Variants in ATP8B4 observed in about 807,000 individuals in gnomAD.
ATP8B4 encodes the protein ATPase phospholipid transporting 8B4 (putative).
A neutral mutation model predicts 145.6 loss-of-function variants in ATP8B4; 133 were observed. The observed-to-expected ratio is 0.91, with a 90% CI of 0.79 to 1.05. The LOEUF is 1.05. Ranked by LOEUF, ATP8B4 falls within the 50% of genes least tolerant of loss-of-function variation. ATP8B4 has a pLI of 0.00. For missense variants in ATP8B4, 1,458 were observed against 1,425.2 expected (o/e 1.02, Z -0.37); for synonymous variants, 507 against 492.9 (o/e 1.03, Z -0.38).
intron 16 of ATP8B4, among the ~76,000 whole-genome samples, chr15:49,928,107 G>A (rs2040893604): frequency 6.6e-6 from 1 of 152,136 alleles, no homozygotes; most frequent in Non-Finnish European, 1.5e-5. Context: ...CAAGCTCTGT[G>A]CTTTGCCTTG....
intron 23 of ATP8B4, chr15:49,895,216 C>T (rs2037271599): frequency 6.6e-6 from 1 of 152,162 alleles, no homozygotes; most frequent in Admixed American, 6.5e-5. Flanking sequence ...GTTGACAAAA[C>T]AAAAAGTCAG....
At chr15:50,072,569 C>T (rs1317335720) in intron 3 of ATP8B4, among the ~76,000 whole-genome samples, 1 of 152,074 alleles carries the variant, frequency 6.6e-6, no homozygotes, top group Non-Finnish European at 1.5e-5. Flanking sequence ...CTAAAGCCCA[C>T]ACATGTAATC....
intron 2 of ATP8B4, among the ~76,000 whole-genome samples, chr15:50,095,901 A>C (rs1260174056): frequency 6.6e-6 from 1 of 152,256 alleles, no homozygotes; most frequent in Non-Finnish European, 1.5e-5. Flanking sequence ...CTGACTTCGA[A>C]GATTCTTCTA....
chr15:50,179,469 G>A (rs1402057100), intron 1 of ATP8B4, among the ~76,000 whole-genome samples: 10 of 152,182 alleles, frequency 6.6e-5, no homozygotes, highest in Non-Finnish European at 1.5e-5. Context: ...ACAATAGGAA[G>A]CAATGGGGAA....
intron 1 of ATP8B4, among the ~76,000 whole-genome samples, chr15:50,171,751 T>C (rs1433735200): frequency 6.6e-6 from 1 of 150,738 alleles, no homozygotes; most frequent in Admixed American, 6.6e-5. Context: ...CAAACAAAAA[T>C]ACAAAGAATA....
intron 11 of ATP8B4, among the ~76,000 whole-genome samples, chr15:49,980,509 G>A (rs1312441779): frequency 1.3e-5 from 2 of 152,144 alleles, no homozygotes; most frequent in East Asian, 1.9e-4. Flanking sequence ...AGGATGGAAT[G>A]TAAGGAATAT....
At chr15:50,023,543 A>T (rs1339344726) in intron 6 of ATP8B4, among the ~76,000 whole-genome samples, 1 of 152,138 alleles carries the variant, frequency 6.6e-6, no homozygotes, top group Non-Finnish European at 1.5e-5. Flanking sequence ...TCTGTTGCTT[A>T]TTGTTTTCCT....
chr15:49,947,356 G>A (rs746648986), intron 14 of ATP8B4, among the ~76,000 whole-genome samples: 3 of 151,470 alleles, frequency 2.0e-5, no homozygotes, highest in Non-Finnish European at 4.4e-5. Context: ...ACTTGAACCT[G>A]GGAGGCAGAG....
At chr15:50,026,425 T>G (rs142417461) in intron 6 of ATP8B4, among the ~76,000 whole-genome samples, 41 of 152,254 alleles carry the variant, frequency 2.7e-4, no homozygotes, top group Non-Finnish European at 4.0e-4. Context: ...AGCCCAGGAA[T>G]CTGCACCTGG....
At chr15:50,002,932 A>G (rs1200806909) in intron 7 of ATP8B4, among the ~76,000 whole-genome samples, 2 of 152,190 alleles carry the variant, frequency 1.3e-5, no homozygotes, top group African/African-American at 4.8e-5. Flanking sequence ...ATTCAGTTTT[A>G]GCATCCTGGT....
chr15:50,007,506 T>C (rs2048396831), intron 7 of ATP8B4, among the ~76,000 whole-genome samples: 1 of 152,230 alleles, frequency 6.6e-6, no homozygotes, highest in South Asian at 2.1e-4. Flanking sequence ...GTGAGAGCAG[T>C]AAGGATACTA....
intron 2 of ATP8B4, among the ~76,000 whole-genome samples, chr15:50,085,117 C>T (rs906354802): frequency 6.6e-6 from 1 of 152,276 alleles, no homozygotes; most frequent in South Asian, 2.1e-4. Flanking sequence ...CAGGGCCCTG[C>T]CTAATCTTTA....
chr15:49,942,043 A>T, intron 14 of ATP8B4, among the ~76,000 whole-genome samples: 1 of 150,990 alleles, frequency 6.6e-6, no homozygotes, highest in Admixed American at 6.6e-5. Context: ...TTCAGAAGTG[A>T]GGAGGGTGGG....
Position 50,072,455 on chromosome 15 carries a change from G to A in ATP8B4, c.87+1672C>T, listed in dbSNP as rs563266541. On this transcript the variant is annotated intron_variant, in intron 3 of 27. Transcript: ENST00000284509. The stretch of plus-strand genomic sequence containing the variant: ...GGCCCATGATGTAATTCATGAAGTT[G>A]TTCACCACTGTAGCTTACAACAGTG... 3.7e-4 allele frequency among the ~76,000 whole-genome samples: 57 copies of A among 152,132 alleles called. 1 individual carries two copies. Among genetic ancestry groups the A allele is most frequent in the African/African-American group, 1.4e-3 (57 of 41,508 alleles).
In ATP8B4 at chr15:49,958,652, T is replaced by C. The variant is rs542569584; in HGVS notation, c.1287+3325A>G. Among the ~76,000 whole-genome samples, 14 of 152,012 alleles carry C rather than the reference T, an allele frequency of 9.2e-5. No homozygotes were observed. In the South Asian group the frequency reaches 2.9e-3, roughly 31 times the overall value. On this transcript the variant is annotated intron_variant, in intron 14 of 27. Coordinates refer to ENST00000284509, the MANE Select transcript of ATP8B4 (RefSeq NM_024837.4). ...TGAATTTAAAAGACTTATGAGTCTT[T>C]GTAAATAAATGTGAAAATAAATGTG...
intron 3 of ATP8B4, among the ~76,000 whole-genome samples, chr15:50,064,608 T>C (rs1392964310): frequency 6.6e-6 from 1 of 152,162 alleles, no homozygotes; most frequent in Non-Finnish European, 1.5e-5. Context: ...AATGCCTAAG[T>C]AGCTTACTTT....
chr15:50,047,104 GT>G (rs2051783418), intron 4 of ATP8B4, among the ~76,000 whole-genome samples: 1 of 152,122 alleles, frequency 6.6e-6, no homozygotes, highest in Non-Finnish European at 1.5e-5. Flanking sequence ...CTCTGGTTTG[GT>G]TCAAATAAAG....
intron 2 of ATP8B4, among the ~76,000 whole-genome samples, chr15:50,077,882 T>C (rs2054284909): frequency 6.6e-6 from 1 of 152,154 alleles, no homozygotes; most frequent in Non-Finnish European, 1.5e-5. Flanking sequence ...TTGTGGGATT[T>C]GCCAGACTGC....
At chr15:50,116,372 G>A (rs1319589630) in intron 1 of ATP8B4, among the ~76,000 whole-genome samples, 1 of 152,168 alleles carries the variant, frequency 6.6e-6, no homozygotes, top group African/African-American at 2.4e-5. Flanking sequence ...CCACTATGAT[G>A]ATAAATACAG....
Sources: allele counts gnomAD v4.1 joint callset (sites outside exome capture counted in the v4.1 genomes callset), GRCh38; gene constraint gnomAD v4.1.1; transcripts MANE v1.5; gene names NCBI Gene and HGNC (gene_info 2026-07-23, HGNC 2026-07-21).